Variants in SLC39A4 observed in about 807,000 individuals in gnomAD.
The protein encoded by SLC39A4 is solute carrier family 39 member 4, also known as zinc transporter ZIP4.
SLC39A4 carries 49 observed loss-of-function variants against 56.6 expected under a neutral mutation model. The observed-to-expected ratio is 0.87, with a 90% CI of 0.69 to 1.10. The LOEUF (loss-of-function observed/expected upper bound fraction) is 1.10, where lower values mean the gene tolerates loss of function less well. Ranked by LOEUF, SLC39A4 falls within the 50% of genes least tolerant of loss-of-function variation. The pLI, the probability that SLC39A4 is intolerant of heterozygous loss-of-function variation, is 0.00. For missense variants in SLC39A4, 993 were observed against 864.2 expected (o/e 1.15, Z -1.87); for synonymous variants, 540 against 420.4 (o/e 1.28, Z -3.48).
chr8:144,413,569 T>C lies in SLC39A4; in HGVS notation c.1420-2A>G. 1.3e-6 allele frequency: 2 copies of C among 1,552,144 alleles called. No homozygotes were observed. Among genetic ancestry groups the C allele is most frequent in the Non-Finnish European group, 1.7e-6 (2 of 1,147,940 alleles). The stretch of plus-strand genomic sequence containing the variant: ...CAGCTCCGGGCTCTCCTCCGCCACC[T>C]GGGAGGAGCCTTGAGTAAGTCCCGC... On this transcript the variant is annotated splice_acceptor_variant, in intron 8 of 11. Transcript: ENST00000301305. LOFTEE classifies it high-confidence loss of function.
intron 2 of SLC39A4, 103 bp from the exon 3 acceptor site, chr8:144,415,522 C>T: frequency 7.4e-7 from 1 of 1,356,428 alleles, no homozygotes; most frequent in South Asian, 1.4e-5. Flanking sequence ...GATCTGCCCC[C>T]ACCAGCCCCG....
intron 5 of SLC39A4, 141 bp from the exon 6 acceptor site, chr8:144,414,575 C>G (rs782359899): frequency 1.0e-5 from 15 of 1,490,516 alleles, no homozygotes; most frequent in Admixed American, 4.1e-5. Context: ...AAGCCCCACT[C>G]TCCTGGCGAC....
chr8:144,414,618 C>T, intron 5 of SLC39A4, 107 bp downstream of exon 5: 2 of 1,533,202 alleles, frequency 1.3e-6, no homozygotes, highest in Admixed American at 1.9e-5. Context: ...GTTTCTACTT[C>T]CAGCCCCTGC....
rs1280085862 is a variant in SLC39A4, at chr8:144,413,889, G to T, written c.1288-8C>A. 1.9e-6 allele frequency: 3 copies of T among 1,608,432 alleles called. No individual in the cohort carries two copies. The highest frequency in any genetic ancestry group is 2.5e-6 in the Non-Finnish European group (3 of 1,178,646). On this transcript the variant is annotated splice_region_variant and splice_polypyrimidine_tract_variant and intron_variant, in intron 7 of 11. Transcript: ENST00000301305. Reference sequence around the variant, plus strand: ...GGGCCCGTCCTCCAGGTCCTGTGAGGGTAGGTGCTCAGTGTCCACCAGGCC... The same window carrying T: ...GGGCCCGTCCTCCAGGTCCTGTGAGTGTAGGTGCTCAGTGTCCACCAGGCC...
At position 144,415,052 on chromosome 8, in the gene SLC39A4, A is replaced by G. The variant is rs782275224; in HGVS notation, c.726T>C (p.Ser242=). The G allele has an allele frequency of 1.2e-6, 2 of 1,611,320 alleles. No homozygotes were observed. Among genetic ancestry groups the G allele is most frequent in the African/African-American group, 2.7e-5 (2 of 74,888 alleles). Residue 242 remains serine, a synonymous_variant, in exon 4 of 12, where the codon AGT becomes AGC. Coordinates refer to ENST00000301305, the MANE Select transcript of SLC39A4 (RefSeq NM_130849.4). ...GGCTGCTGGCTCCCCTGTGCCGATG[A>G]CTGTGGTCACTGTGGGCCTCCCTGC... ...GVGREAHSDH[S]HRHRGASSRD... is the part of the protein sequence containing the mutation.
In SLC39A4 at chr8:144,413,773, G is replaced by A. The variant is rs782207329; in HGVS notation, c.1396C>T (p.His466Tyr). ...PSELRQPKPP[H>Y]EGSRADLVAE... is the part of the protein sequence containing the mutation. ...ACCAGGTCTGCGCGGGAGCCCTCGT[G>A]GGGGGGCTTGGGCTGCCGGAGCTCG... is the stretch of plus-strand genomic sequence containing the variant. The change falls in exon 8 of 12, where the codon CAC becomes TAC. Residue 466 changes from histidine (H) to tyrosine (Y), a missense_variant. Transcript: ENST00000301305. The A allele has an allele frequency of 2.7e-5, 42 of 1,543,512 alleles. No individual in the cohort carries two copies. The highest frequency in any genetic ancestry group is 1.7e-4 in the South Asian group (14 of 84,560).
In SLC39A4 at chr8:144,413,951, G is replaced by A. The variant is rs1207866940; in HGVS notation, c.1287+7C>T. On this transcript the variant is annotated splice_region_variant and intron_variant, in intron 7 of 11. Transcript: ENST00000301305. ...CACCCGCCGGGTACCTTCCCAAGAA[G>A]CCTGACCTCCGGGTCCCTGGGCAGC... The A allele has an allele frequency of 1.2e-6, 2 of 1,610,804 alleles. No homozygotes were observed. The highest frequency in any genetic ancestry group is 4.5e-5 in the East Asian group (2 of 44,830).
At chr8:144,414,505 C>G (rs1330784542) in intron 5 of SLC39A4, 71 bp from the exon 6 acceptor site, 1 of 1,544,668 alleles carries the variant, frequency 6.5e-7, no homozygotes, top group East Asian at 2.4e-5. Context: ...GCGCTGCTCA[C>G]CAGAGCTGCA....
chr8:144,412,443 T>G lies in SLC39A4; in HGVS notation c.*95A>C, dbSNP rs1417595610. On this transcript the variant is annotated 3_prime_UTR_variant, in exon 12 of 12. Coordinates refer to ENST00000301305, the MANE Select transcript of SLC39A4 (RefSeq NM_130849.4). ...AGGACAAGAGTGTCTTTACTGGAGT[T>G]GGGACTGGGGCCTCTATAGGGGCTT... is the stretch of plus-strand genomic sequence containing the variant. The G allele has an allele frequency of 1.9e-6, 3 of 1,596,750 alleles. No individual in the cohort carries two copies. The highest frequency in any genetic ancestry group is 2.2e-5 in the East Asian group (1 of 44,684).
intron 5 of SLC39A4, 118 bp downstream of exon 5, chr8:144,414,603 CTGTT>C: frequency 6.6e-7 from 1 of 1,509,678 alleles, no homozygotes. Flanking sequence ...TCCCCTGTGT[CTGTT>C]GTTTCTACTT....
chr8:144,413,915 C>G, intron 7 of SLC39A4, 34 bp from the exon 8 acceptor site: 1 of 1,610,140 alleles, frequency 6.2e-7, no homozygotes, highest in Non-Finnish European at 8.5e-7. Context: ...CCACCAGGCC[C>G]CCAGCACACC....
At position 144,415,062 on chromosome 8, in the gene SLC39A4, C is replaced by G. The variant is rs1257206086; in HGVS notation, c.716G>C (p.Ser239Thr). The change falls in exon 4 of 12, where the codon AGT becomes ACT. Residue 239 changes from serine (S) to threonine (T), a missense_variant. Physicochemically the swap from Ser to Thr is moderately conservative, Grantham distance 58. Coordinates refer to ENST00000301305, the MANE Select transcript of SLC39A4 (RefSeq NM_130849.4). ...TCCCCTGTGCCGATGACTGTGGTCA[C>G]TGTGGGCCTCCCTGCCCACCCCCAG... ...QRLGVGREAHSDHSHRHRGAS... is the reference protein window; with the variant it reads ...QRLGVGREAHTDHSHRHRGAS... 1.2e-6 allele frequency: 2 copies of G among 1,611,378 alleles called. No individual in the cohort carries two copies. The highest frequency in any genetic ancestry group is 2.2e-5 in the South Asian group (2 of 91,094).
At chr8:144,415,201 C>T in intron 3 of SLC39A4, 26 bp downstream of exon 3, 2 of 1,612,710 alleles carry the variant, frequency 1.2e-6, no homozygotes, top group Non-Finnish European at 1.7e-6. Flanking sequence ...GGGGTGCCCC[C>T]CTCCACAGCC....
At position 144,416,612 on chromosome 8, in the gene SLC39A4, C is replaced by T. The variant is rs558972599; in HGVS notation, c.178G>A (p.Gly60Arg). 90 of 1,592,250 alleles carry T rather than the reference C, an allele frequency of 5.7e-5. No individual in the cohort carries two copies. The highest frequency in any genetic ancestry group is 5.5e-4 in the South Asian group (49 of 88,292). The change falls in exon 1 of 12, where the codon GGG (glycine) becomes AGG (arginine). Residue 60 changes from glycine (G) to arginine (R), a missense_variant. Coordinates refer to ENST00000301305, the MANE Select transcript of SLC39A4 (RefSeq NM_130849.4). ...GGGGCTGTTACCTTTCCACACGGCC[C>T]GTTGGCGCAGTGCACACGGTCCGCC... ...TLADRVHCAN[G>R]PCGKCLSVED...
rs782036970 is a variant in SLC39A4, at chr8:144,416,769, C to G, written c.21G>C (p.Leu7=). ...GCACAGCCAGAAGCAGCCCCAGCTC[C>G]AGCGAGACCAGGGACGCCATACTCA... MASLVS[L]ELGLLLAVLV... is the part of the protein sequence containing the mutation. The change falls in exon 1 of 12, where the codon CTG becomes CTC. Residue 7 remains leucine, a synonymous_variant. Coordinates refer to ENST00000301305, the MANE Select transcript of SLC39A4 (RefSeq NM_130849.4). The G allele has an allele frequency of 1.2e-6, 2 of 1,612,526 alleles. No homozygotes were observed. Among genetic ancestry groups the G allele is most frequent in the South Asian group, 2.2e-5 (2 of 91,022 alleles).
At position 144,416,103 on chromosome 8, in the gene SLC39A4, G is replaced by A. The variant is rs1822183841; in HGVS notation, c.193-12C>T. 58 of 1,601,182 alleles carry A rather than the reference G, an allele frequency of 3.6e-5. No individual in the cohort carries two copies. Among genetic ancestry groups the A allele is most frequent in the Non-Finnish European group, 4.8e-5 (56 of 1,177,128 alleles). ...TCCACAGACAGGCACTGTGGGCAGA[G>A]ACAAGTGAGCAGGGGCGCTGGGCCC... On this transcript the variant is annotated splice_polypyrimidine_tract_variant and intron_variant, in intron 1 of 11. Coordinates refer to ENST00000301305, the MANE Select transcript of SLC39A4 (RefSeq NM_130849.4).
chr8:144,415,215 C>T lies in SLC39A4; in HGVS notation c.667+12G>A, dbSNP rs202148611. 4.3e-6 allele frequency: 7 copies of T among 1,612,920 alleles called. No homozygotes were observed. In the East Asian group the frequency reaches 6.7e-5, roughly 15 times the overall value. ...GGGGGTGCCCCCCTCCACAGCCCAGCCCAGGCCTCACCGGCCAGCGTCATA... is the reference window on the plus strand; with the variant it reads ...GGGGGTGCCCCCCTCCACAGCCCAGTCCAGGCCTCACCGGCCAGCGTCATA... On this transcript the variant is annotated intron_variant, in intron 3 of 11. Transcript: ENST00000301305.
At chr8:144,414,630 C>T in intron 5 of SLC39A4, 95 bp downstream of exon 5, 5 of 1,558,604 alleles carry the variant, frequency 3.2e-6, no homozygotes, top group South Asian at 1.2e-5. Flanking sequence ...AGCCCCTGCT[C>T]ACTCTCTCCA....
Position 144,413,219 on chromosome 8 carries a change from G to T in SLC39A4, c.1627+18C>A. ...GTGCGGCCCCGCCCATCTCCTTCCA[G>T]GCCCCGCCTGCGCTCACCCAGCTCG... On this transcript the variant is annotated intron_variant, in intron 10 of 11. Coordinates refer to ENST00000301305, the MANE Select transcript of SLC39A4 (RefSeq NM_130849.4). 1 of 1,521,562 alleles carries T rather than the reference G, an allele frequency of 6.6e-7. No homozygotes were observed. The allele number at this position is 1,521,562 out of a possible 1,614,324, so 94.3% of individuals were successfully genotyped here.
Sources: gnomAD v4.1 joint callset for allele counts on GRCh38, gnomAD v4.1.1 for gene constraint, MANE v1.5 for transcripts, NCBI Gene and HGNC (gene_info 2026-07-23, HGNC 2026-07-21) for gene names.